IFT172: variants seen among roughly 807,000 people sequenced by gnomAD.
IFT172 encodes the protein intraflagellar transport protein 172 homolog.
Under a neutral mutation model 248.9 loss-of-function variants are expected in IFT172, and 164 were observed. The ratio of observed to expected loss-of-function variants is 0.66; its 90% confidence interval spans 0.58 to 0.75. IFT172 has a LOEUF of 0.75. Ranked by LOEUF, IFT172 falls within the 30% of genes least tolerant of loss-of-function variation. IFT172 has a pLI of 0.00. For synonymous variants in IFT172, 729 were observed against 791.6 expected (o/e 0.92, Z 1.33); for missense variants, 1,950 against 2,192.4 (o/e 0.89, Z 2.21).
intron 3 of IFT172, among the ~76,000 whole-genome samples, chr2:27,484,725 G>A (rs1305010244): frequency 6.6e-6 from 1 of 152,196 alleles, no homozygotes; most frequent in Non-Finnish European, 1.5e-5. Flanking sequence ...CTGAAAGGAG[G>A]TATATGAGGG....
chr2:27,459,234 G>A (rs1666430858), intron 25 of IFT172, 144 bp downstream of exon 25: 1 of 1,031,338 alleles, frequency 9.7e-7, no homozygotes, highest in Admixed American at 2.7e-5. Flanking sequence ...AAAGTAAACT[G>A]TTCTCTTCCC....
Position 27,485,266 on chromosome 2 carries a change from T to C in IFT172, c.183+94A>G. The C allele has an allele frequency of 2.5e-6, 4 of 1,580,530 alleles. No homozygotes were observed. The South Asian group carries it at 4.6e-5, about 18-fold the overall frequency. On this transcript the variant is annotated intron_variant, in intron 2 of 47. Coordinates refer to ENST00000260570, the MANE Select transcript of IFT172 (RefSeq NM_015662.3). ...CTGAGAAAAAGGTGGGGTATGCCAT[T>C]TCCTATGCTGATGGCTAGAAGGCAG...
intron 40 of IFT172, among the ~76,000 whole-genome samples, chr2:27,448,360 A>T (rs1276812012): frequency 1.3e-5 from 2 of 152,204 alleles, no homozygotes; most frequent in Non-Finnish European, 2.9e-5. Context: ...CGGCCTCCCA[A>T]AGTGTTGGGA....
rs566835533 is a variant in IFT172 at position 27,444,653 on chromosome 2, T to G, written c.5161-132A>C. The stretch of plus-strand genomic sequence containing the variant: ...CATCTTTCTAGTGTGTATGTGGGTT[T>G]TTTGTTTGTTTTGAGACAAAGTCTT... On this transcript the variant is annotated intron_variant, in intron 47 of 47. Transcript: ENST00000260570. 1.2e-5 allele frequency: 8 copies of G among 675,256 alleles called. No individual in the cohort carries two copies. In the African/African-American group the frequency reaches 1.3e-4, roughly 11 times the overall value. The allele number at this position is 675,256 out of a possible 1,614,324, so 41.8% of individuals were successfully genotyped here.
rs142227350 is a variant in IFT172, at chr2:27,485,067, T to C, written c.247A>G (p.Ile83Val). 75 of 1,610,490 alleles carry C rather than the reference T, an allele frequency of 4.7e-5. No individual in the cohort carries two copies. Among genetic ancestry groups the C allele is most frequent in the Middle Eastern group, 3.3e-4 (2 of 6,078 alleles). ...TAGATGATGTTGTCAGTCTGTCCTA[T>C]GGCAATTTTAGTGGAATCAGGAGAA... ...AFSPDSTKIA[I>V]GQTDNIIYVY... Residue 83 changes from isoleucine to valine, a missense_variant, in exon 3 of 48, where the codon ATA becomes GTA. Physicochemically the swap from Ile to Val is conservative, Grantham distance 29. Around this residue, in one of 3 missense-constraint regions of IFT172, gnomAD observed 1,166 missense variants for 1,254.1 expected, o/e 0.93. Coordinates refer to ENST00000260570, the MANE Select transcript of IFT172 (RefSeq NM_015662.3).
chr2:27,476,158 G>A (rs547215515), intron 14 of IFT172, among the ~76,000 whole-genome samples: 39 of 152,216 alleles, frequency 2.6e-4, no homozygotes, highest in African/African-American at 7.9e-4. Context: ...ATTCTATGAA[G>A]TGAAAACAGG....
Position 27,483,390 on chromosome 2 carries a change from A to G in IFT172, c.483-14T>C. On this transcript the variant is annotated splice_polypyrimidine_tract_variant and intron_variant, in intron 6 of 47. Transcript: ENST00000260570. Reference sequence around the variant, plus strand: ...TTCCCAGAGCAACTAAAAAAGGAGAAAGGAGAGAAATACAGGAAGAGACTA... The same window carrying G: ...TTCCCAGAGCAACTAAAAAAGGAGAGAGGAGAGAAATACAGGAAGAGACTA... The G allele has an allele frequency of 1.3e-6, 2 of 1,552,824 alleles. No homozygotes were observed. The highest frequency in any genetic ancestry group is 1.8e-6 in the Non-Finnish European group (2 of 1,124,474).
Position 27,454,768 on chromosome 2 carries a change from T to C in IFT172, c.3372-108A>G. On this transcript the variant is annotated intron_variant, in intron 30 of 47. Coordinates refer to ENST00000260570, the MANE Select transcript of IFT172 (RefSeq NM_015662.3). This position sits in a 1 kb window ranked among gnomAD's most constrained non-coding sequence, Gnocchi z 4.2. ...AGTTGAGGGGAGAAAAAGTGACAGA[T>C]TTAAGGATAACAAATATGAAGTGAC... 3.3e-6 allele frequency: 3 copies of C among 916,968 alleles called. No homozygotes were observed. The South Asian group carries it at 4.5e-5, about 14-fold the overall frequency. The allele number at this position is 916,968 out of a possible 1,614,324, so 56.8% of individuals were successfully genotyped here. A position where few individuals can be genotyped will look rare whatever the true frequency, so the allele number is the denominator to read the frequency against.
intron 9 of IFT172, 144 bp downstream of exon 9, chr2:27,479,882 G>A (rs1404403193): frequency 2.5e-6 from 3 of 1,180,188 alleles, no homozygotes; most frequent in Non-Finnish European, 3.5e-6. Flanking sequence ...TCTCTTTCCT[G>A]CCTTTAATGC....
Position 27,457,929 on chromosome 2 carries a change from T to G in IFT172, c.3023A>C (p.Lys1008Thr), listed in dbSNP as rs372047259. The change falls in exon 28 of 48, where the codon AAA (lysine) becomes ACA (threonine). Residue 1008 changes from lysine (K) to threonine (T), a missense_variant. Lys to Thr is a moderately conservative substitution (Grantham distance 78, BLOSUM62 -1). Coordinates refer to ENST00000260570, the MANE Select transcript of IFT172 (RefSeq NM_015662.3). ...QEPDLAITMY[K>T]KHKLYDDMIR... ...CATGTCATCATACAACTTGTGCTTT[T>G]TGTACATGGTGATGGCAAGATCAGG... 3 of 1,614,202 alleles carry G rather than the reference T, an allele frequency of 1.9e-6. No individual in the cohort carries two copies. Among genetic ancestry groups the G allele is most frequent in the African/African-American group, 2.7e-5 (2 of 75,052 alleles).
At chr2:27,448,818 A>G (rs1015990511) in intron 40 of IFT172, 97 bp downstream of exon 40, 31 of 754,444 alleles carry the variant, frequency 4.1e-5, no homozygotes, top group Non-Finnish European at 5.4e-5. Flanking sequence ...CTCTAAGGAT[A>G]GAATCCTCTG....
intron 14 of IFT172, 106 bp from the exon 15 acceptor site, chr2:27,472,468 T>G: frequency 1.2e-6 from 1 of 800,892 alleles, no homozygotes; most frequent in Non-Finnish European, 2.0e-6. Flanking sequence ...AGGTCTCTTT[T>G]AGAATTGTAG....
intron 7 of IFT172, among the ~76,000 whole-genome samples, 180 bp from the exon 8 acceptor site, chr2:27,481,440 C>T (rs1181265558): frequency 6.6e-6 from 1 of 151,258 alleles, no homozygotes; most frequent in Non-Finnish European, 1.5e-5. Context: ...CACACACACA[C>T]ACACACACAC....
In IFT172 at chr2:27,489,740, C is replaced by A. The variant is rs1572847056; in HGVS notation, c.-87G>T. The A allele has an allele frequency of 1.9e-6, 2 of 1,031,686 alleles. No homozygotes were observed. The highest frequency in any genetic ancestry group is 5.0e-5 in the East Asian group (2 of 40,388). 63.9% of individuals were successfully genotyped at this position (1,031,686 alleles called of 1,614,324 possible). ...CCCGCCACGCAGCCGCAGCGACAGG[C>A]ACTGACGCTTATGCGACCGGAGCGC... On this transcript the variant is annotated 5_prime_UTR_variant, in exon 1 of 48. Transcript: ENST00000260570.
At chr2:27,464,924 T>TA in intron 18 of IFT172, among the ~76,000 whole-genome samples, 1 of 110,414 alleles carries the variant, frequency 9.1e-6, no homozygotes, top group East Asian at 2.1e-4. Flanking sequence ...AGCCAAGACA[T>TA]ATTTTTTTTT....
At chr2:27,477,680 A>G in intron 11 of IFT172, 68 bp from the exon 12 acceptor site, 1 of 1,121,328 alleles carries the variant, frequency 8.9e-7, no homozygotes, top group Non-Finnish European at 1.4e-6. Context: ...AGAATGAAGA[A>G]TGACAGGTTG....
intron 10 of IFT172, among the ~76,000 whole-genome samples, chr2:27,479,021 T>G (rs1668159219): frequency 1.3e-5 from 2 of 152,186 alleles, no homozygotes; most frequent in South Asian, 4.1e-4. Context: ...TTCTTTTTTT[T>G]TGAGACAGAG....
chr2:27,471,510 G>A (rs992236702), intron 15 of IFT172, among the ~76,000 whole-genome samples: 1 of 152,206 alleles, frequency 6.6e-6, no homozygotes, highest in Non-Finnish European at 1.5e-5. Flanking sequence ...ATATTGGGAT[G>A]AGAATCAATG....
rs10651081 is a variant in IFT172 at position 27,483,001 on chromosome 2, C to CTT, written c.570+286_570+287dup. Among the ~76,000 whole-genome samples, 45,100 of 123,536 alleles carry CTT rather than the reference C, an allele frequency of 0.37. 8,869 individuals carry two copies. The highest frequency in any genetic ancestry group is 0.47 in the South Asian group (1,788 of 3,836). The allele number at this position is 123,536 out of a possible 152,430, so 81.0% of individuals were successfully genotyped here. On this transcript the variant is annotated intron_variant, in intron 7 of 47. Transcript: ENST00000260570. ...TTCCTTATCCCCTATTCCACAGCAT[C>CTT]TTTTTTTTTTTTTTTTTTTGAGACA... is the stretch of plus-strand genomic sequence containing the variant.
Sources: gnomAD v4.1 joint callset for allele counts (sites outside exome capture counted in the v4.1 genomes callset) on GRCh38, gnomAD v4.1.1 for gene constraint, gnomAD v4.1.1 regional missense constraint, Gnocchi (gnomAD v3.1) non-coding constraint, MANE v1.5 for transcripts, NCBI Gene and HGNC (gene_info 2026-07-23, HGNC 2026-07-21) for gene names.